ANKDD1B: variants seen among roughly 807,000 people sequenced by gnomAD.
ANKDD1B encodes ankyrin repeat and death domain-containing protein 1B.
ANKDD1B carries 57 observed loss-of-function variants against 59.7 expected under a neutral mutation model. That is an observed-to-expected ratio of 0.95 (90% CI 0.77 to 1.19). The LOEUF is 1.19. Ranked by LOEUF, ANKDD1B falls within the 50% of genes most tolerant of loss-of-function variation. The pLI, the probability that ANKDD1B is intolerant of heterozygous loss-of-function variation, is 0.00. For synonymous variants in ANKDD1B, 216 were observed against 239.5 expected (o/e 0.90, Z 0.91); for missense variants, 602 against 641.9 (o/e 0.94, Z 0.67).
chr5:75,667,042 C>G, intron 12 of ANKDD1B, 49 bp downstream of exon 12: 1 of 1,222,280 alleles, frequency 8.2e-7, no homozygotes, highest in African/African-American at 1.5e-5. Flanking sequence ...CTGTTAGGAA[C>G]AGCAGTGCCT....
rs1043332800 is a variant in ANKDD1B at position 75,671,822 on chromosome 5, G to C, written c.*782G>C. On this transcript the variant is annotated 3_prime_UTR_variant, in exon 14 of 14. Coordinates refer to ENST00000601380, the MANE Select transcript of ANKDD1B (RefSeq NM_001276713.2). ...ATTATTTTTGTAATCTAAGAGTTAT[G>C]AAATAAATGTAAAATTGAGTGTCAG... 2.3e-5 allele frequency: 3 copies of C among 129,728 alleles called. No homozygotes were observed. Among genetic ancestry groups the C allele is most frequent in the Non-Finnish European group, 3.4e-5 (2 of 59,374 alleles). 8.0% of individuals were successfully genotyped at this position (129,728 alleles called of 1,614,324 possible).
chr5:75,642,343 A>C (rs1774493339), intron 7 of ANKDD1B, among the ~76,000 whole-genome samples: 1 of 151,374 alleles, frequency 6.6e-6, no homozygotes, highest in South Asian at 2.1e-4. Context: ...TACCGGGTTC[A>C]TCTCACTAGG....
At chr5:75,626,884 G>A (rs1289374961) in intron 5 of ANKDD1B, among the ~76,000 whole-genome samples, 1 of 152,010 alleles carries the variant, frequency 6.6e-6, no homozygotes, top group Non-Finnish European at 1.5e-5. Context: ...TCATGAATGG[G>A]ATTTCCTTTT....
chr5:75,618,707 AT>A (rs1773773552), intron 2 of ANKDD1B, among the ~76,000 whole-genome samples: 1 of 152,164 alleles, frequency 6.6e-6, no homozygotes, highest in Non-Finnish European at 1.5e-5. Flanking sequence ...AAAGCTCCAG[AT>A]TTCAGACAAA....
intron 11 of ANKDD1B, among the ~76,000 whole-genome samples, chr5:75,663,818 C>CTATT: frequency 6.6e-6 from 1 of 152,330 alleles, no homozygotes; most frequent in East Asian, 1.9e-4. Context: ...TGGCCATGAG[C>CTATT]TATTCCCAGT....
intron 5 of ANKDD1B, among the ~76,000 whole-genome samples, chr5:75,627,140 G>A (rs1253912771): frequency 6.6e-6 from 1 of 152,112 alleles, no homozygotes; most frequent in African/African-American, 2.4e-5. Flanking sequence ...GCTGTGGTCT[G>A]GTTAGTACCA....
intron 12 of ANKDD1B, among the ~76,000 whole-genome samples, chr5:75,669,012 C>A (rs1409138079): frequency 6.6e-6 from 1 of 152,196 alleles, no homozygotes; most frequent in Non-Finnish European, 1.5e-5. Flanking sequence ...CCACAGCTGT[C>A]CTCTCTCTTG....
intron 1 of ANKDD1B, among the ~76,000 whole-genome samples, chr5:75,616,531 C>T (rs530651010): frequency 1.0e-3 from 153 of 152,286 alleles, no homozygotes; most frequent in African/African-American, 3.4e-3. Context: ...AAGCCAGATA[C>T]CAGGTTACTG....
chr5:75,655,480 C>A (rs1774947209), intron 8 of ANKDD1B, among the ~76,000 whole-genome samples: 1 of 152,214 alleles, frequency 6.6e-6, no homozygotes, highest in Non-Finnish European at 1.5e-5. Flanking sequence ...CTTGTGGCTA[C>A]TCTTATTGCC....
At chr5:75,659,211 A>G in intron 9 of ANKDD1B, 72 bp from the exon 10 acceptor site, 1 of 1,098,818 alleles carries the variant, frequency 9.1e-7, no homozygotes, top group South Asian at 1.3e-5. Context: ...CCTTGAACCT[A>G]AATAGGATGG....
intron 6 of ANKDD1B, 101 bp from the exon 7 acceptor site, chr5:75,635,683 C>T (rs1561438441): frequency 4.3e-6 from 3 of 700,548 alleles, no homozygotes; most frequent in Non-Finnish European, 6.8e-6. Context: ...GCAGCTTTAA[C>T]CAAAATGAAA....
chr5:75,667,907 CT>C (rs1171663470), intron 12 of ANKDD1B, among the ~76,000 whole-genome samples: 2 of 152,112 alleles, frequency 1.3e-5, no homozygotes, highest in African/African-American at 4.8e-5. Flanking sequence ...AATTATGAGA[CT>C]TTGTATTGCA....
At chr5:75,669,166 C>T in intron 12 of ANKDD1B, 86 bp from the exon 13 acceptor site, 1 of 1,199,578 alleles carries the variant, frequency 8.3e-7, no homozygotes, top group Non-Finnish European at 1.0e-6. Context: ...AACAGTCATT[C>T]AGAAAGTTTA....
rs551724019 is a variant in ANKDD1B at position 75,635,211 on chromosome 5, ATGTT to A, written c.699+219_699+222del. 7.9e-4 allele frequency: 343 copies of A among 433,786 alleles called. 1 individual carries two copies. The highest frequency in any genetic ancestry group is 6.3e-3 in the Admixed American group (181 of 28,754). 26.9% of individuals were successfully genotyped at this position (433,786 alleles called of 1,614,324 possible). On this transcript the variant is annotated intron_variant, in intron 6 of 13. Coordinates refer to ENST00000601380, the MANE Select transcript of ANKDD1B (RefSeq NM_001276713.2). The stretch of plus-strand genomic sequence containing the variant: ...CAGATTGGCAGTTTTTGCTTCATAA[ATGTT>A]TGTGAAGTCGATAGACCACATGGAT...
intron 1 of ANKDD1B, among the ~76,000 whole-genome samples, chr5:75,612,335 G>GCCCCGC (rs1181702010): frequency 3.2e-5 from 1 of 30,948 alleles, no homozygotes; most frequent in African/African-American, 1.3e-4. Context: ...CCCGCCCTCC[G>GCCCCGC]CCCCGCCCCC....
chr5:75,650,158 A>G (rs773187776), intron 7 of ANKDD1B, among the ~76,000 whole-genome samples: 10 of 152,226 alleles, frequency 6.6e-5, no homozygotes, highest in African/African-American at 1.2e-4. Context: ...ACCTGTGAAT[A>G]TGTTATGTTA....
chr5:75,656,198 T>G, intron 9 of ANKDD1B, 71 bp downstream of exon 9: 1 of 722,530 alleles, frequency 1.4e-6, no homozygotes, highest in East Asian at 2.9e-5. Flanking sequence ...TTATGGGGAG[T>G]TTTGATTAAG....
chr5:75,666,168 C>T (rs367582234), intron 11 of ANKDD1B, among the ~76,000 whole-genome samples: 24 of 152,150 alleles, frequency 1.6e-4, no homozygotes, highest in African/African-American at 5.6e-4. Flanking sequence ...TTTCAACAGT[C>T]AGAAAACAAG....
At chr5:75,663,008 G>A (rs931793978) in intron 10 of ANKDD1B, among the ~76,000 whole-genome samples, 21 of 152,132 alleles carry the variant, frequency 1.4e-4, no homozygotes, top group African/African-American at 4.8e-4. Context: ...CTGCCATCAT[G>A]TCAGCATTCC....
Sources: allele counts gnomAD v4.1 joint callset (sites outside exome capture counted in the v4.1 genomes callset), GRCh38; gene constraint gnomAD v4.1.1; transcripts MANE v1.5; gene names NCBI Gene and HGNC (gene_info 2026-07-23, HGNC 2026-07-21).